Variants in GABRG3 observed in about 807,000 individuals in gnomAD.
GABRG3 encodes gamma-aminobutyric acid type A receptor subunit gamma3, also known as gamma-aminobutyric acid receptor subunit gamma-3.
In GABRG3, 25 loss-of-function variants were observed where a neutral mutation model predicts 48.8. The observed-to-expected ratio is 0.51, with a 90% CI of 0.37 to 0.72. The LOEUF is 0.72. Ranked by LOEUF, GABRG3 falls within the 30% of genes least tolerant of loss-of-function variation. GABRG3 has a pLI of 0.00. For missense variants in GABRG3, 394 were observed against 577.9 expected, an observed-to-expected ratio of 0.68 and a Z score of 3.26; for synonymous variants, 227 against 217.6, an observed-to-expected ratio of 1.04 and a Z score of -0.38.
chr15:26,996,673 A>G (rs1389343120), intron 2 of GABRG3, among the ~76,000 whole-genome samples: 8 of 130,410 alleles, frequency 6.1e-5, no homozygotes, highest in African/African-American at 1.1e-4. Flanking sequence ...TTTTTGAGAC[A>G]GAGTCTTGCT....
At chr15:27,268,631 G>T (rs751504281) in intron 3 of GABRG3, among the ~76,000 whole-genome samples, 12 of 151,900 alleles carry the variant, frequency 7.9e-5, no homozygotes, top group South Asian at 4.2e-4. Context: ...TTGATTTAAG[G>T]TCTATCTTTA....
intron 3 of GABRG3, among the ~76,000 whole-genome samples, chr15:27,272,383 A>G (rs1891118248): frequency 6.6e-6 from 1 of 152,196 alleles, no homozygotes; most frequent in African/African-American, 2.4e-5. Context: ...CATATTGCTA[A>G]GTGACATACA....
chr15:27,314,058 C>T (rs879385548), intron 3 of GABRG3, among the ~76,000 whole-genome samples: 1 of 151,856 alleles, frequency 6.6e-6, no homozygotes, highest in Non-Finnish European at 1.5e-5. Flanking sequence ...ATTGACAAAC[C>T]TTTAGCTAGA....
chr15:27,467,675 C>A (rs1889657309), intron 5 of GABRG3, among the ~76,000 whole-genome samples: 1 of 152,160 alleles, frequency 6.6e-6, no homozygotes, highest in Admixed American at 6.5e-5. Flanking sequence ...TAAAAGAGTG[C>A]AATGAAACCT....
intron 5 of GABRG3, among the ~76,000 whole-genome samples, chr15:27,343,906 C>T (rs1323748610): frequency 6.6e-6 from 1 of 152,224 alleles, no homozygotes; most frequent in Non-Finnish European, 1.5e-5. Context: ...GCCAGATGGA[C>T]TGCCTTCTAT....
chr15:27,290,898 T>A (rs1334418337), intron 3 of GABRG3, among the ~76,000 whole-genome samples: 1 of 152,120 alleles, frequency 6.6e-6, no homozygotes, highest in Non-Finnish European at 1.5e-5. Flanking sequence ...ATGTCAATAA[T>A]ACGAAAAAGT....
intron 5 of GABRG3, among the ~76,000 whole-genome samples, chr15:27,388,090 G>A (rs1187421979): frequency 1.4e-4 from 9 of 65,166 alleles, no homozygotes; most frequent in African/African-American, 8.1e-4. Context: ...AGGAAAGGAG[G>A]GAGGAAAGGG....
intron 5 of GABRG3, among the ~76,000 whole-genome samples, chr15:27,427,531 A>G (rs1166723866): frequency 1.3e-5 from 2 of 152,226 alleles, no homozygotes; most frequent in Non-Finnish European, 2.9e-5. Context: ...TAGGCCTGAC[A>G]CAGAAGAAGT....
rs539386568 is a variant in GABRG3, at chr15:27,039,953, T to G, written c.270+13132T>G. ...TTATTTCATCTTCCCAGGAAGTTCC[T>G]CCTTGCTGGGACACTTCTTCTCTTT... On this transcript the variant is annotated intron_variant, in intron 3 of 9. Transcript: ENST00000615808. Among the ~76,000 whole-genome samples the G allele has an allele frequency of 3.8e-4, 58 of 151,852 alleles. 3 individuals are homozygous for G. In the Middle Eastern group the frequency reaches 0.01, roughly 27 times the overall value.
intron 3 of GABRG3, among the ~76,000 whole-genome samples, chr15:27,110,425 A>G (rs537773388): frequency 2.0e-5 from 3 of 152,232 alleles, no homozygotes; most frequent in African/African-American, 7.2e-5. Flanking sequence ...TAGTAAACAT[A>G]AAAGATTTTT....
chr15:27,409,521 TAG>T (rs1223244838), intron 5 of GABRG3, among the ~76,000 whole-genome samples: 1 of 152,200 alleles, frequency 6.6e-6, no homozygotes, highest in Non-Finnish European at 1.5e-5. Flanking sequence ...TAACATCAGG[TAG>T]AGTGCTTCCC....
At chr15:27,438,531 T>C (rs1337981176) in intron 5 of GABRG3, among the ~76,000 whole-genome samples, 1 of 152,162 alleles carries the variant, frequency 6.6e-6, no homozygotes. Context: ...CCCACATCTC[T>C]GCTTGAGGCA....
chr15:27,384,309 A>C (rs947011077), intron 5 of GABRG3, among the ~76,000 whole-genome samples: 6 of 152,164 alleles, frequency 3.9e-5, no homozygotes, highest in Non-Finnish European at 5.9e-5. Flanking sequence ...TGACTGGAAA[A>C]AATTCTCAGA....
chr15:27,540,814 G>GAC lies in GABRG3; in HGVS notation c.*7933_*7934insAC, dbSNP rs1486627395. On this transcript the variant is annotated 3_prime_UTR_variant, in exon 10 of 10. Transcript: ENST00000615808. Reference sequence around the variant, plus strand: ...TGTTAGGAGCAAGAGGCCATCTTGTGTTTACATGCAGTGGTCTGTGTATTT... The same window carrying GAC: ...TGTTAGGAGCAAGAGGCCATCTTGTGACTTTACATGCAGTGGTCTGTGTATTT... 2.0e-5 allele frequency: 3 copies of GAC among 152,204 alleles called. No homozygotes were observed. The highest frequency in any genetic ancestry group is 7.2e-5 in the African/African-American group (3 of 41,452). 9.4% of individuals were successfully genotyped at this position (152,204 alleles called of 1,614,324 possible). A position where few individuals can be genotyped will look rare whatever the true frequency, so the allele number is the denominator to read the frequency against.
intron 3 of GABRG3, among the ~76,000 whole-genome samples, chr15:27,100,785 A>G (rs1035956406): frequency 6.6e-6 from 1 of 152,244 alleles, no homozygotes; most frequent in African/African-American, 2.4e-5. Flanking sequence ...TATTCATGAT[A>G]AAAACTCTCA....
intron 3 of GABRG3, among the ~76,000 whole-genome samples, chr15:27,246,097 CCCACGA>C (rs1337236063): frequency 6.6e-6 from 1 of 152,008 alleles, no homozygotes; most frequent in Non-Finnish European, 1.5e-5. Context: ...AGGGATCTGC[CCCACGA>C]CCCAAACACC....
chr15:27,141,177 A>G (rs1898096266), intron 3 of GABRG3, among the ~76,000 whole-genome samples: 1 of 152,180 alleles, frequency 6.6e-6, no homozygotes, highest in African/African-American at 2.4e-5. Flanking sequence ...AAAAAGCCCT[A>G]GTTCACTGAG....
At chr15:27,292,855 A>G (rs1304000732) in intron 3 of GABRG3, among the ~76,000 whole-genome samples, 1 of 152,188 alleles carries the variant, frequency 6.6e-6, no homozygotes, top group East Asian at 1.9e-4. Flanking sequence ...ACAAAAGGAA[A>G]AGAAATCAGG....
At chr15:27,228,565 C>T (rs995257059) in intron 3 of GABRG3, among the ~76,000 whole-genome samples, 1 of 152,176 alleles carries the variant, frequency 6.6e-6, no homozygotes, top group Non-Finnish European at 1.5e-5. Flanking sequence ...ATTTATATTC[C>T]TCTGGGTATA....
Sources: allele counts gnomAD v4.1 joint callset (sites outside exome capture counted in the v4.1 genomes callset), GRCh38; gene constraint gnomAD v4.1.1; transcripts MANE v1.5; gene names NCBI Gene and HGNC (gene_info 2026-07-23, HGNC 2026-07-21).